Variants in BCL7C observed in about 807,000 individuals in gnomAD.
BCL7C encodes the protein B-cell CLL/lymphoma 7 protein family member C.
BCL7C carries 8 observed loss-of-function variants against 26.2 expected under a neutral mutation model. That is an observed-to-expected ratio of 0.30 (90% CI 0.18 to 0.55). The LOEUF is 0.55. BCL7C is among the 20% of genes least tolerant of loss of function. The pLI, the probability that BCL7C is intolerant of heterozygous loss-of-function variation, is 0.93. For synonymous variants in BCL7C, 90 were observed against 116.5 expected (o/e 0.77, Z 1.47); for missense variants, 262 against 298.5 (o/e 0.88, Z 0.90).
chr16:30,877,442 A>AT (rs66607719), intron 5 of BCL7C, among the ~76,000 whole-genome samples: 31 of 140,728 alleles, frequency 2.2e-4, no homozygotes, highest in South Asian at 1.4e-3. Context: ...CTGAGTCCAG[A>AT]TTTTTTTTTT....
At chr16:30,878,937 A>G (rs557391337) in intron 5 of BCL7C, among the ~76,000 whole-genome samples, 92 of 152,318 alleles carry the variant, frequency 6.0e-4, no homozygotes, top group African/African-American at 2.1e-3. Flanking sequence ...ACCAGAGACT[A>G]CGTGCTTTCA....
Position 30,887,851 on chromosome 16 carries a change from G to A in BCL7C, c.*14C>T. Reference sequence around the variant, plus strand: ...AAGGGGCCCCTGGGGCAACAGGACAGGCAGGCCGGCTTCTCAGGGGTCAGG... The same window carrying A: ...AAGGGGCCCCTGGGGCAACAGGACAAGCAGGCCGGCTTCTCAGGGGTCAGG... On this transcript the variant is annotated 3_prime_UTR_variant, in exon 6 of 6. Coordinates refer to ENST00000215115, the MANE Select transcript of BCL7C (RefSeq NM_004765.4). 2 of 1,565,660 alleles carry A rather than the reference G, an allele frequency of 1.3e-6. No individual in the cohort carries two copies. The highest frequency in any genetic ancestry group is 1.7e-6 in the Non-Finnish European group (2 of 1,161,510).
intron 5 of BCL7C, among the ~76,000 whole-genome samples, chr16:30,879,070 G>A (rs1238678712): frequency 1.3e-5 from 2 of 152,088 alleles, no homozygotes; most frequent in Non-Finnish European, 2.9e-5. Context: ...AAAAGGGTCC[G>A]GAAGCCCCAA....
At position 30,893,962 on chromosome 16, in the gene BCL7C, C is replaced by A; in HGVS notation, c.-18G>T. On this transcript the variant is annotated 5_prime_UTR_variant, in exon 1 of 6. Transcript: ENST00000215115. The surrounding 1 kb of genome is among the most constrained non-coding windows in gnomAD (Gnocchi z 5.2). The stretch of plus-strand genomic sequence containing the variant: ...CCGGCCATGCTGGCGGGGCTGGGGC[C>A]GGGGCCGAGCCCGCGGCGGGGCCGC... The A allele has an allele frequency of 7.3e-7, 1 of 1,366,124 alleles. No individual in the cohort carries two copies. Among genetic ancestry groups the A allele is most frequent in the Non-Finnish European group, 9.5e-7 (1 of 1,055,252 alleles). 84.6% of individuals were successfully genotyped at this position (1,366,124 alleles called of 1,614,324 possible). A position where few individuals can be genotyped will look rare whatever the true frequency, so the allele number is the denominator to read the frequency against.
intron 5 of BCL7C, among the ~76,000 whole-genome samples, chr16:30,877,030 T>C (rs2054960062): frequency 6.6e-6 from 1 of 152,078 alleles, no homozygotes. Flanking sequence ...AGGCCTGAAA[T>C]GCCTGGCCGC....
intron 5 of BCL7C, chr16:30,835,257 A>G: frequency 9.5e-7 from 1 of 1,053,460 alleles, no homozygotes; most frequent in Non-Finnish European, 1.3e-6. Context: ...AGTTGGTGGA[A>G]AGTCTTTTGC....
intron 5 of BCL7C, among the ~76,000 whole-genome samples, chr16:30,863,212 C>CA (rs1158770957): frequency 5.0e-4 from 76 of 152,198 alleles, no homozygotes; most frequent in Non-Finnish European, 7.5e-4. Context: ...GCCTAATCGC[C>CA]ACTCACCAGC....
rs118137773 is a variant in BCL7C at position 30,856,639 on chromosome 16, C to T, written c.529-21491G>A. 1.9e-3 allele frequency among the ~76,000 whole-genome samples: 296 copies of T among 152,268 alleles called. 1 individual carries two copies. Among genetic ancestry groups the T allele is most frequent in the Non-Finnish European group, 2.6e-3 (179 of 68,028 alleles). ...CAGTTAGCCCAGTTAGCTTAGTTGT[C>T]AGCTAATGATTGGACAGAGATTTTC... On this transcript the variant is annotated intron_variant, in intron 5 of 5. Coordinates refer to the BCL7C transcript ENST00000380317.
At chr16:30,874,182 G>T (rs1034130190) in intron 5 of BCL7C, among the ~76,000 whole-genome samples, 1 of 151,798 alleles carries the variant, frequency 6.6e-6, no homozygotes, top group East Asian at 2.0e-4. Flanking sequence ...TTTTAGTAGA[G>T]ACAGGGTTTC....
At chr16:30,848,445 G>A (rs1476256157) in intron 5 of BCL7C, among the ~76,000 whole-genome samples, 1 of 152,172 alleles carries the variant, frequency 6.6e-6, no homozygotes, top group South Asian at 2.1e-4. Flanking sequence ...GGGCAGCAGA[G>A]ACCACCAGGC....
At chr16:30,853,218 A>G (rs1272170082) in intron 5 of BCL7C, among the ~76,000 whole-genome samples, 1 of 152,156 alleles carries the variant, frequency 6.6e-6, no homozygotes, top group African/African-American at 2.4e-5. Context: ...GATTACAGGC[A>G]TGAGCCACTG....
intron 5 of BCL7C, among the ~76,000 whole-genome samples, chr16:30,864,670 G>A (rs1278967848): frequency 6.6e-6 from 1 of 152,100 alleles, no homozygotes; most frequent in Non-Finnish European, 1.5e-5. Flanking sequence ...AGGAATGTCA[G>A]ACCTCTGAGC....
At chr16:30,837,251 A>G (rs534773412) in intron 5 of BCL7C, among the ~76,000 whole-genome samples, 9 of 152,268 alleles carry the variant, frequency 5.9e-5, no homozygotes, top group Non-Finnish European at 1.0e-4. Context: ...AGCTGATTAC[A>G]TTTCTTGAGA....
chr16:30,891,970 G>T (rs186822603), intron 4 of BCL7C, among the ~76,000 whole-genome samples: 18 of 149,714 alleles, frequency 1.2e-4, no homozygotes, highest in South Asian at 4.3e-4. Flanking sequence ...TAAAAAAAAG[G>T]GGGGGGAGGG....
intron 5 of BCL7C, among the ~76,000 whole-genome samples, chr16:30,857,986 A>AG (rs1555480019): frequency 4.6e-5 from 7 of 151,556 alleles, no homozygotes; most frequent in South Asian, 4.2e-4. Flanking sequence ...AAAAAAAAAA[A>AG]AAAGAAAGAA....
chr16:30,852,772 A>G (rs1005869952), intron 5 of BCL7C, among the ~76,000 whole-genome samples: 3 of 151,984 alleles, frequency 2.0e-5, no homozygotes, highest in Non-Finnish European at 4.4e-5. Context: ...AATTACATGC[A>G]TGAGCCACCT....
chr16:30,840,382 T>C (rs770538060), intron 5 of BCL7C, among the ~76,000 whole-genome samples: 35 of 152,024 alleles, frequency 2.3e-4, no homozygotes, highest in Middle Eastern at 3.2e-3. Flanking sequence ...CATGCATGGC[T>C]AATTTTTTTA....
At chr16:30,851,494 C>T (rs1386826461) in intron 5 of BCL7C, 2 of 232,496 alleles carry the variant, frequency 8.6e-6, no homozygotes, top group Non-Finnish European at 1.7e-5. Flanking sequence ...TCCACCTTGG[C>T]CTCCCAAAAT....
At chr16:30,884,144 G>C (rs1311568029), downstream of BCL7C, among the ~76,000 whole-genome samples, 1 of 150,140 alleles carries the variant, frequency 6.7e-6, no homozygotes, top group Non-Finnish European at 1.5e-5. Context: ...AAAAAGCCAG[G>C]TCAAAGAATG....
Sources: allele counts gnomAD v4.1 joint callset (sites outside exome capture counted in the v4.1 genomes callset), GRCh38; gene constraint gnomAD v4.1.1; non-coding constraint Gnocchi (gnomAD v3.1); transcripts MANE v1.5; gene names NCBI Gene and HGNC (gene_info 2026-07-23, HGNC 2026-07-21).